Variants in FRK observed in about 807,000 individuals in gnomAD.
The protein encoded by FRK is fyn related Src family tyrosine kinase, also known as tyrosine-protein kinase FRK.
Under a neutral mutation model 56.4 loss-of-function variants are expected in FRK, and 51 were observed. The observed-to-expected ratio is 0.90, with a 90% CI of 0.72 to 1.14. The LOEUF (loss-of-function observed/expected upper bound fraction) is 1.14, where lower values mean the gene tolerates loss of function less well. Among genes scored for constraint, FRK ranks in the 50% most tolerant of loss-of-function variants. The pLI, the probability that FRK is intolerant of heterozygous loss-of-function variation, is 0.00. For synonymous variants in FRK, 245 were observed against 217.9 expected, an observed-to-expected ratio of 1.12 and a Z score of -1.10; for missense variants, 570 against 601.4, an observed-to-expected ratio of 0.95 and a Z score of 0.55.
chr6:116,086,673 A>G, the FRK span, among the ~76,000 whole-genome samples: 1 of 152,250 alleles, frequency 6.6e-6, no homozygotes, highest in African/African-American at 2.4e-5. Context: ...ATTGATTACT[A>G]AGGACATGGG....
intron 1 of FRK, among the ~76,000 whole-genome samples, chr6:116,019,755 A>C (rs2071129260): frequency 6.6e-6 from 1 of 152,216 alleles, no homozygotes; most frequent in Admixed American, 6.5e-5. Context: ...TGTGCAGAAT[A>C]GAAAGTGGGG....
At chr6:115,997,543 T>C (rs74987153) in intron 2 of FRK, among the ~76,000 whole-genome samples, 9,032 of 151,976 alleles carry the variant, frequency 0.059, 414 homozygotes, top group Admixed American at 0.14. Context: ...CCGTAAATCA[T>C]CTCCTCCTTA....
intron 1 of FRK, among the ~76,000 whole-genome samples, chr6:116,025,248 C>A (rs906481204): frequency 6.6e-6 from 1 of 152,174 alleles, no homozygotes; most frequent in East Asian, 1.9e-4. Flanking sequence ...TTGCAGAGGA[C>A]CAGCTGGATG....
chr6:115,945,962 A>C (rs1022784778), intron 5 of FRK, among the ~76,000 whole-genome samples: 1 of 152,050 alleles, frequency 6.6e-6, no homozygotes, highest in Non-Finnish European at 1.5e-5. Flanking sequence ...TATTTGACTT[A>C]CCTATTTTAT....
At chr6:116,078,512 C>T in the FRK span, among the ~76,000 whole-genome samples, 3 of 152,116 alleles carry the variant, frequency 2.0e-5, no homozygotes, top group Admixed American at 2.0e-4. Context: ...TTAATGGGGT[C>T]AGGGGTAGTG....
At chr6:116,100,407 C>T in the FRK span, among the ~76,000 whole-genome samples, 1 of 152,206 alleles carries the variant, frequency 6.6e-6, no homozygotes, top group South Asian at 2.1e-4. Flanking sequence ...AAATTGTAGG[C>T]TAACTGGGTC....
rs1409164817 is a variant in FRK, at chr6:115,968,632, G to A, written c.574C>T (p.His192Tyr). 1 of 1,613,794 alleles carries A rather than the reference G, an allele frequency of 6.2e-7. No individual in the cohort carries two copies. Among genetic ancestry groups the A allele is most frequent in the Non-Finnish European group, 8.5e-7 (1 of 1,179,834 alleles). The change falls in exon 3 of 8, where the codon CAC (histidine) becomes TAC (tyrosine). Residue 192 changes from histidine (H) to tyrosine (Y), a missense_variant. Transcript: ENST00000606080. ...AGGCCGTCACTTGTCTTGGTGTAGTGGCTCACAAATTCGTTCAGTGTTGAA... is the reference window on the plus strand; with the variant it reads ...AGGCCGTCACTTGTCTTGGTGTAGTAGCTCACAAATTCGTTCAGTGTTGAA... Reference protein sequence around the residue: ...IFSTLNEFVSHYTKTSDGLCV... With the variant: ...IFSTLNEFVSYYTKTSDGLCV...
Position 115,999,769 on chromosome 6 carries a change from G to T in FRK, c.466+4108C>A, listed in dbSNP as rs575447084. ...GCAGTAATCAACAGTCAGCAATTGG[G>T]TTGTTTGTTTTAATGTGGATATATT... is the stretch of plus-strand genomic sequence containing the variant. On this transcript the variant is annotated intron_variant, in intron 2 of 7. Transcript: ENST00000606080. Among the ~76,000 whole-genome samples the T allele has an allele frequency of 1.3e-3, 200 of 152,230 alleles. 2 individuals carry two copies. Among genetic ancestry groups the T allele is most frequent in the Middle Eastern group, 3.4e-3 (1 of 294 alleles).
upstream of FRK, among the ~76,000 whole-genome samples, chr6:116,064,277 C>G (rs1174143899): frequency 6.6e-6 from 1 of 152,164 alleles, no homozygotes; most frequent in East Asian, 1.9e-4. Context: ...CTATGCACCC[C>G]TAAATTCTGG....
chr6:115,950,254 A>G (rs941107353), intron 5 of FRK, among the ~76,000 whole-genome samples: 8 of 152,320 alleles, frequency 5.3e-5, no homozygotes, highest in African/African-American at 1.9e-4. Context: ...GAACATTCAG[A>G]ATGGGAGAAA....
At chr6:115,983,817 A>G (rs1774295032) in intron 2 of FRK, among the ~76,000 whole-genome samples, 1 of 152,092 alleles carries the variant, frequency 6.6e-6, no homozygotes, top group African/African-American at 2.4e-5. Context: ...TCTTCCAGTC[A>G]CCAACATCAT....
At chr6:116,005,601 T>C (rs1051327904) in intron 1 of FRK, among the ~76,000 whole-genome samples, 1 of 152,162 alleles carries the variant, frequency 6.6e-6, no homozygotes, top group African/African-American at 2.4e-5. Flanking sequence ...CTGCATTGAG[T>C]CAGTATCAGG....
chr6:115,991,084 T>C (rs998699433), intron 2 of FRK, among the ~76,000 whole-genome samples: 5 of 151,814 alleles, frequency 3.3e-5, no homozygotes. Flanking sequence ...CTGCTGTTTG[T>C]GTATAAAGAT....
chr6:116,035,665 T>C (rs905082742), intron 1 of FRK, among the ~76,000 whole-genome samples: 5 of 152,154 alleles, frequency 3.3e-5, no homozygotes, highest in African/African-American at 1.2e-4. Flanking sequence ...ACGCTGTATG[T>C]AGCTATTCCT....
At chr6:115,959,753 G>T (rs1773250582) in intron 4 of FRK, among the ~76,000 whole-genome samples, 1 of 152,070 alleles carries the variant, frequency 6.6e-6, no homozygotes, top group South Asian at 2.1e-4. Flanking sequence ...CTAGAAATTA[G>T]GAACTATTAT....
chr6:115,946,390 A>G (rs926139111), intron 5 of FRK, among the ~76,000 whole-genome samples: 8 of 152,200 alleles, frequency 5.3e-5, no homozygotes, highest in Admixed American at 5.2e-4. Flanking sequence ...CGTTGTTAAA[A>G]TGAGAATTAA....
chr6:115,965,306 T>A (rs1773521431), intron 4 of FRK, among the ~76,000 whole-genome samples: 1 of 52,098 alleles, frequency 1.9e-5, no homozygotes, highest in Non-Finnish European at 3.5e-5. Flanking sequence ...AAAATGCTCA[T>A]CATCACTGGC....
At chr6:116,084,168 A>G in the FRK span, among the ~76,000 whole-genome samples, 1 of 152,164 alleles carries the variant, frequency 6.6e-6, no homozygotes. Context: ...GGTTATATAT[A>G]TTTTCTTTAG....
chr6:115,991,255 C>T (rs1774594144), intron 2 of FRK, among the ~76,000 whole-genome samples: 1 of 151,726 alleles, frequency 6.6e-6, no homozygotes. Context: ...ATTTAAATGA[C>T]TTTTATTTCT....
Sources: gnomAD v4.1 joint callset for allele counts (sites outside exome capture counted in the v4.1 genomes callset) on GRCh38, gnomAD v4.1.1 for gene constraint, MANE v1.5 for transcripts, NCBI Gene and HGNC (gene_info 2026-07-23, HGNC 2026-07-21) for gene names.